Variants in N4BP2L1 observed in about 807,000 individuals in gnomAD.
N4BP2L1 encodes the protein NEDD4 binding protein 2 like 1.
In N4BP2L1, 12 loss-of-function variants were observed where a neutral mutation model predicts 21.2. That is an observed-to-expected ratio of 0.57 (90% CI 0.36 to 0.92). N4BP2L1 has a LOEUF of 0.92. N4BP2L1 is among the 40% of genes least tolerant of loss of function. N4BP2L1 has a pLI of 0.01. For synonymous variants in N4BP2L1, 104 were observed against 112.8 expected (o/e 0.92, Z 0.49); for missense variants, 259 against 310.6 (o/e 0.83, Z 1.25).
upstream of N4BP2L1, chr13:32,428,237 T>G: frequency 1.5e-6 from 1 of 668,132 alleles, no homozygotes. Context: ...GGAACCGTGC[T>G]GCGTGGGAGG....
At chr13:32,412,681 T>C (rs2073927970) in intron 1 of N4BP2L1, among the ~76,000 whole-genome samples, 1 of 150,308 alleles carries the variant, frequency 6.7e-6, no homozygotes, top group Non-Finnish European at 1.5e-5. Flanking sequence ...TACATCGCGA[T>C]ACTTTATTCC....
intron 1 of N4BP2L1, chr13:32,411,797 T>TCTAA: frequency 1.0e-6 from 1 of 974,376 alleles, no homozygotes; most frequent in Non-Finnish European, 1.2e-6. Context: ...CATAGAGATA[T>TCTAA]ATTTAGATAT....
In N4BP2L1 at chr13:32,402,607, G is replaced by A. The variant is rs2073209201; in HGVS notation, c.*335C>T. On this transcript the variant is annotated 3_prime_UTR_variant, in exon 5 of 5. Coordinates refer to ENST00000380130, the MANE Select transcript of N4BP2L1 (RefSeq NM_052818.3). Reference sequence around the variant, plus strand: ...TAAATAGATCACTTCAGAGCAAATGGTACTGAAGCTTATATATAATATAAA... The same window carrying A: ...TAAATAGATCACTTCAGAGCAAATGATACTGAAGCTTATATATAATATAAA... The A allele has an allele frequency of 9.8e-7, 1 of 1,023,858 alleles. No individual in the cohort carries two copies. Among genetic ancestry groups the A allele is most frequent in the Non-Finnish European group, 1.2e-6 (1 of 854,192 alleles). 63.4% of individuals were successfully genotyped at this position (1,023,858 alleles called of 1,614,324 possible).
At chr13:32,426,569 A>C (rs1370559740) in intron 1 of N4BP2L1, among the ~76,000 whole-genome samples, 1 of 152,186 alleles carries the variant, frequency 6.6e-6, no homozygotes, top group East Asian at 1.9e-4. Context: ...CGAGTCAACC[A>C]GGAGCACCTC....
Position 32,402,589 on chromosome 13 carries a change from ATCACT to A in N4BP2L1, c.*348_*352del, listed in dbSNP as rs1352902876. 4.0e-6 allele frequency: 4 copies of A among 1,001,050 alleles called. No individual in the cohort carries two copies. The highest frequency in any genetic ancestry group is 4.8e-6 in the Non-Finnish European group (4 of 840,506). 62.0% of individuals were successfully genotyped at this position (1,001,050 alleles called of 1,614,324 possible). On this transcript the variant is annotated 3_prime_UTR_variant, in exon 5 of 5. Coordinates refer to ENST00000380130, the MANE Select transcript of N4BP2L1 (RefSeq NM_052818.3). ...ATGAATTTCCTGAAAAAATAAATAG[ATCACT>A]TCAGAGCAAATGGTACTGAAGCTTA...
intron 4 of N4BP2L1, among the ~76,000 whole-genome samples, chr13:32,403,464 G>A (rs999392544): frequency 2.0e-5 from 3 of 152,050 alleles, no homozygotes; most frequent in Non-Finnish European, 2.9e-5. Flanking sequence ...TCTCAATTAC[G>A]TGCTTCAAGA....
Position 32,411,151 on chromosome 13 carries a change from T to C in N4BP2L1, c.180-3379A>G, listed in dbSNP as rs183842408. 1.3e-4 allele frequency among the ~76,000 whole-genome samples: 20 copies of C among 152,324 alleles called. No individual in the cohort carries two copies. The East Asian group carries it at 2.7e-3, about 21-fold the overall frequency. On this transcript the variant is annotated intron_variant, in intron 1 of 4. Transcript: ENST00000380130. Reference sequence around the variant, plus strand: ...AAACAAAAACAGCACATAACACTACTGCCCTTTTAATCACAAAATTTTACC... The same window carrying C: ...AAACAAAAACAGCACATAACACTACCGCCCTTTTAATCACAAAATTTTACC...
Position 32,428,031 on chromosome 13 carries a change from G to A in N4BP2L1, c.52C>T (p.Gln18Ter). 1 of 1,553,870 alleles carries A rather than the reference G, an allele frequency of 6.4e-7. No individual in the cohort carries two copies. Among genetic ancestry groups the A allele is most frequent in the South Asian group, 1.2e-5 (1 of 85,326 alleles). The change falls in exon 1 of 5, where the codon CAG (glutamine) becomes TAG (stop). Residue 18 changes from glutamine to a stop codon, truncating the protein, a stop_gained. Coordinates refer to ENST00000380130, the MANE Select transcript of N4BP2L1 (RefSeq NM_052818.3). LOFTEE classifies it high-confidence loss of function. ...GGCGGCCGCTGCCGCTGCTGCTGCTGCTGGGGCTGGAGGCTCAGCCTCCCA... is the reference window on the plus strand; with the variant it reads ...GGCGGCCGCTGCCGCTGCTGCTGCTACTGGGGCTGGAGGCTCAGCCTCCCA... ...SFGRLSLQPQ[Q>*]QQQRQRPPRP...
intron 1 of N4BP2L1, among the ~76,000 whole-genome samples, chr13:32,413,841 G>A (rs1032437274): frequency 1.3e-5 from 2 of 149,540 alleles, no homozygotes; most frequent in African/African-American, 4.9e-5. Context: ...ACATGAAGAG[G>A]AACATCATGT....
intron 1 of N4BP2L1, chr13:32,411,912 A>ATTATTCCATCTACTTT: frequency 2.0e-5 from 5 of 252,548 alleles, no homozygotes; most frequent in Non-Finnish European, 2.5e-5. Context: ...GCAAAAGTAG[A>ATTATTCCATCTACTTT]TGGAATAATA....
chr13:32,425,219 A>C (rs887406733), intron 1 of N4BP2L1: 2 of 152,186 alleles, frequency 1.3e-5, no homozygotes, highest in East Asian at 1.9e-4. Flanking sequence ...CTCCCAAAAA[A>C]GTGGGGAAGG....
At position 32,404,070 on chromosome 13, in the gene N4BP2L1, A is replaced by T. The variant is rs1317482466; in HGVS notation, c.473+251T>A. 2.4e-6 allele frequency: 3 copies of T among 1,238,876 alleles called. No homozygotes were observed. In the African/African-American group the frequency reaches 4.6e-5, roughly 19 times the overall value. The allele number at this position is 1,238,876 out of a possible 1,614,324, so 76.7% of individuals were successfully genotyped here. A position where few individuals can be genotyped will look rare whatever the true frequency, so the allele number is the denominator to read the frequency against. On this transcript the variant is annotated intron_variant, in intron 4 of 4. Coordinates refer to ENST00000380130, the MANE Select transcript of N4BP2L1 (RefSeq NM_052818.3). ...TTCCTTGATGAAGAAGCATTTTAGC[A>T]GAATGTTAAATGCATCCTTTTAAAG...
chr13:32,428,093 G>C lies in N4BP2L1; in HGVS notation c.-11C>G, dbSNP rs540226540. 197 of 1,441,366 alleles carry C rather than the reference G, an allele frequency of 1.4e-4. No individual in the cohort carries two copies. In the Admixed American group the frequency reaches 2.7e-3, roughly 20 times the overall value. The allele number at this position is 1,441,366 out of a possible 1,614,324, so 89.3% of individuals were successfully genotyped here. A position where few individuals can be genotyped will look rare whatever the true frequency, so the allele number is the denominator to read the frequency against. On this transcript the variant is annotated 5_prime_UTR_variant, in exon 1 of 5. Coordinates refer to ENST00000380130, the MANE Select transcript of N4BP2L1 (RefSeq NM_052818.3). ...GAAACTGTCCTCCATGGGCAGGAGGGCTGGCTGCGAGAGCCCCGGGTTCCC... is the reference window on the plus strand; with the variant it reads ...GAAACTGTCCTCCATGGGCAGGAGGCCTGGCTGCGAGAGCCCCGGGTTCCC...
intron 1 of N4BP2L1, among the ~76,000 whole-genome samples, chr13:32,412,747 A>G (rs1279695463): frequency 6.6e-6 from 1 of 152,154 alleles, no homozygotes; most frequent in African/African-American, 2.4e-5. Context: ...CATAACCACA[A>G]TACCATTATT....
At chr13:32,403,359 C>A (rs1207952) in intron 4 of N4BP2L1, among the ~76,000 whole-genome samples, 159 bp from the exon 5 acceptor site, 60,099 of 151,866 alleles carry the variant, frequency 0.4, 12,167 homozygotes, top group South Asian at 0.45. Context: ...TCTCTTTCAG[C>A]CTCCACTCAT....
At chr13:32,421,071 T>C (rs535995412) in intron 1 of N4BP2L1, among the ~76,000 whole-genome samples, 2 of 152,340 alleles carry the variant, frequency 1.3e-5, no homozygotes, top group South Asian at 2.1e-4. Context: ...CATGCTGACA[T>C]CCAAGCTTCC....
In N4BP2L1 at chr13:32,402,192, T is replaced by C. The variant is rs2073166006; in HGVS notation, c.*750A>G. On this transcript the variant is annotated 3_prime_UTR_variant, in exon 5 of 5. Coordinates refer to ENST00000380130, the MANE Select transcript of N4BP2L1 (RefSeq NM_052818.3). The stretch of plus-strand genomic sequence containing the variant: ...GAAGGCAGGCTTATTTTATTTACAC[T>C]ATTAGCACAACAGCCAAAAGTTATT... The C allele has an allele frequency of 5.1e-6, 5 of 983,870 alleles. No individual in the cohort carries two copies. In the South Asian group the frequency reaches 1.9e-4, roughly 37 times the overall value. 60.9% of individuals were successfully genotyped at this position (983,870 alleles called of 1,614,324 possible).
At chr13:32,423,252 G>A (rs1197065353) in intron 1 of N4BP2L1, among the ~76,000 whole-genome samples, 2 of 152,206 alleles carry the variant, frequency 1.3e-5, no homozygotes, top group African/African-American at 2.4e-5. Context: ...TCTCATGATG[G>A]AAAATTCCAT....
chr13:32,420,662 G>C (rs530366418), intron 1 of N4BP2L1: 10 of 152,022 alleles, frequency 6.6e-5, no homozygotes, highest in African/African-American at 2.4e-4. Flanking sequence ...CTTCCCCCTT[G>C]TCTGTCCTCC....
Sources: gnomAD v4.1 joint callset for allele counts (sites outside exome capture counted in the v4.1 genomes callset) on GRCh38, gnomAD v4.1.1 for gene constraint, MANE v1.5 for transcripts, NCBI Gene and HGNC (gene_info 2026-07-23, HGNC 2026-07-21) for gene names.